Variants in MCPH1 observed in about 807,000 individuals in gnomAD.
The protein encoded by MCPH1 is microcephalin 1.
Under a neutral mutation model 84.5 loss-of-function variants are expected in MCPH1, and 104 were observed. The ratio of observed to expected loss-of-function variants is 1.23; its 90% confidence interval spans 1.05 to 1.45. MCPH1 has a LOEUF of 1.45. Ranked by LOEUF, MCPH1 falls within the 40% of genes most tolerant of loss-of-function variation. MCPH1 has a pLI of 0.00. For missense variants in MCPH1, 1,498 were observed against 1,005.7 expected (o/e 1.49, Z -6.62); for synonymous variants, 514 against 366.8 (o/e 1.40, Z -4.58).
At chr8:6,600,024 T>A (rs893722301) in intron 12 of MCPH1, among the ~76,000 whole-genome samples, 2 of 152,146 alleles carry the variant, frequency 1.3e-5, no homozygotes, top group African/African-American at 4.8e-5. Flanking sequence ...TAGGAAGCGG[T>A]CAATAAAGTA....
At chr8:6,634,998 G>C (rs1180322036) in intron 13 of MCPH1, 1 of 152,218 alleles carries the variant, frequency 6.6e-6, no homozygotes, top group Non-Finnish European at 1.5e-5. Flanking sequence ...AGTGACTAAA[G>C]ACACAGATGT....
chr8:6,433,640 A>AG (rs1434993909), intron 4 of MCPH1, among the ~76,000 whole-genome samples: 1 of 151,542 alleles, frequency 6.6e-6, no homozygotes, highest in African/African-American at 2.4e-5. Context: ...CAAAAAAAAA[A>AG]AAAAAAAAAA....
intron 12 of MCPH1, among the ~76,000 whole-genome samples, chr8:6,590,458 C>G (rs908088988): frequency 6.6e-6 from 1 of 152,052 alleles, no homozygotes; most frequent in Non-Finnish European, 1.5e-5. Context: ...GGGTGGGAAG[C>G]TGAGGAGGTT....
intron 12 of MCPH1, among the ~76,000 whole-genome samples, chr8:6,538,601 T>G (rs1308168486): frequency 4.6e-5 from 7 of 152,234 alleles, no homozygotes; most frequent in Admixed American, 6.5e-5. Context: ...GCCGCCTTTG[T>G]ATCTCCTCCT....
rs1421274083 is a variant in MCPH1 at position 6,436,125 on chromosome 8, A to G, written c.399A>G (p.Lys133=). ...NDKRFQKKFE[K]MAKELQRQKT... Reference sequence around the variant, plus strand: ...AGAGATTTCAGAAGAAATTTGAGAAAATGGCTAAAGAGCTACAAAGGCAAA... The same window carrying G: ...AGAGATTTCAGAAGAAATTTGAGAAGATGGCTAAAGAGCTACAAAGGCAAA... Residue 133 remains lysine, a synonymous_variant, in exon 5 of 14, where the codon AAA becomes AAG. Transcript: ENST00000344683. The G allele has an allele frequency of 1.9e-6, 3 of 1,613,866 alleles. No individual in the cohort carries two copies. The highest frequency in any genetic ancestry group is 2.5e-6 in the Non-Finnish European group (3 of 1,179,862).
At chr8:6,621,744 T>A in intron 13 of MCPH1, 53 bp downstream of exon 13, 2 of 1,612,666 alleles carry the variant, frequency 1.2e-6, no homozygotes, top group Admixed American at 3.3e-5. Flanking sequence ...TGTGGACAGG[T>A]TTCCAGGGAG....
intron 12 of MCPH1, among the ~76,000 whole-genome samples, chr8:6,617,913 A>ATCTATCTG (rs1831002786): frequency 6.6e-6 from 1 of 150,762 alleles, no homozygotes; most frequent in Non-Finnish European, 1.5e-5. Context: ...CTATCTATCT[A>ATCTATCTG]TCTATCTATC....
chr8:6,492,964 G>A (rs1012875068), intron 11 of MCPH1, among the ~76,000 whole-genome samples: 2 of 152,064 alleles, frequency 1.3e-5, no homozygotes, highest in African/African-American at 2.4e-5. Context: ...TGCCCTTAAT[G>A]TGAACAAAAA....
At chr8:6,458,807 G>C (rs1805971792) in intron 9 of MCPH1, among the ~76,000 whole-genome samples, 1 of 151,986 alleles carries the variant, frequency 6.6e-6, no homozygotes, top group Non-Finnish European at 1.5e-5. Context: ...AGCACGCCTG[G>C]CTAATTTTTT....
chr8:6,429,929 C>G (rs979637691), intron 3 of MCPH1, among the ~76,000 whole-genome samples: 5 of 152,186 alleles, frequency 3.3e-5, no homozygotes, highest in African/African-American at 1.2e-4. Context: ...AAGTACAACC[C>G]TTGGAATCAC....
intron 3 of MCPH1, among the ~76,000 whole-genome samples, chr8:6,430,431 T>C (rs923926376): frequency 6.6e-6 from 1 of 152,192 alleles, no homozygotes; most frequent in African/African-American, 2.4e-5. Context: ...AAAGATAGTA[T>C]TGACTTTACA....
intron 12 of MCPH1, among the ~76,000 whole-genome samples, chr8:6,559,513 A>T (rs1389774847): frequency 2.6e-5 from 4 of 152,120 alleles, no homozygotes; most frequent in Non-Finnish European, 4.4e-5. Context: ...AAAACAAACA[A>T]ACAAAAAACG....
intron 4 of MCPH1, among the ~76,000 whole-genome samples, chr8:6,434,827 A>G (rs551121849): frequency 1.2e-4 from 19 of 152,346 alleles, no homozygotes; most frequent in Admixed American, 5.2e-4. Context: ...GAACCTAGAC[A>G]GATGACTTAA....
At position 6,645,341 on chromosome 8, in the gene MCPH1, C is replaced by T. The variant is rs796251855; in HGVS notation, c.*2292C>T. ...CATTATATGTTGTACTTCATTTTAC[C>T]CTTTCAACAATCCTATTAGTAGCTT... On this transcript the variant is annotated 3_prime_UTR_variant, in exon 14 of 14. Coordinates refer to ENST00000344683, the MANE Select transcript of MCPH1 (RefSeq NM_024596.5). 4 of 151,998 alleles carry T rather than the reference C, an allele frequency of 2.6e-5. No homozygotes were observed. Among genetic ancestry groups the T allele is most frequent in the African/African-American group, 9.7e-5 (4 of 41,372 alleles). The allele number at this position is 151,998 out of a possible 1,614,324, so 9.4% of individuals were successfully genotyped here. A position where few individuals can be genotyped will look rare whatever the true frequency, so the allele number is the denominator to read the frequency against.
At chr8:6,503,305 C>T in intron 12 of MCPH1, 1 of 1,606,674 alleles carries the variant, frequency 6.2e-7, no homozygotes, top group Non-Finnish European at 8.5e-7. Context: ...TAGGTGATGC[C>T]AGCTCCCACC....
chr8:6,465,212 A>G (rs545888426), intron 9 of MCPH1, among the ~76,000 whole-genome samples: 9 of 152,352 alleles, frequency 5.9e-5, no homozygotes, highest in South Asian at 4.1e-4. Context: ...CGGAAACTCA[A>G]TAGCTTGCTG....
At chr8:6,418,836 TC>T (rs1799706691) in intron 3 of MCPH1, among the ~76,000 whole-genome samples, 1 of 152,154 alleles carries the variant, frequency 6.6e-6, no homozygotes, top group Non-Finnish European at 1.5e-5. Context: ...TGCCTCAGCC[TC>T]CCAAAGTACT....
intron 12 of MCPH1, among the ~76,000 whole-genome samples, chr8:6,601,103 T>C (rs1211706796): frequency 6.6e-6 from 1 of 152,082 alleles, no homozygotes; most frequent in Non-Finnish European, 1.5e-5. Flanking sequence ...ATGAGAGACC[T>C]GTCCCTAGGC....
chr8:6,522,165 C>G (rs1817478879), intron 12 of MCPH1, among the ~76,000 whole-genome samples: 1 of 151,846 alleles, frequency 6.6e-6, no homozygotes, highest in Non-Finnish European at 1.5e-5. Flanking sequence ...AGTATCCTGG[C>G]TAACACGGTG....
Sources: gnomAD v4.1 joint callset for allele counts (sites outside exome capture counted in the v4.1 genomes callset) on GRCh38, gnomAD v4.1.1 for gene constraint, MANE v1.5 for transcripts, NCBI Gene and HGNC (gene_info 2026-07-23, HGNC 2026-07-21) for gene names.